Variants in UBE2V1 observed in about 807,000 individuals in gnomAD.
The protein encoded by UBE2V1 is ubiquitin conjugating enzyme E2 V1.
In UBE2V1, 15 loss-of-function variants were observed where a neutral mutation model predicts 19.6. The ratio of observed to expected loss-of-function variants is 0.77; its 90% confidence interval spans 0.51 to 1.18. The LOEUF is 1.18. Ranked by LOEUF, UBE2V1 falls within the 50% of genes most tolerant of loss-of-function variation. UBE2V1 has a pLI of 0.00. For missense variants in UBE2V1, 125 were observed against 184.8 expected (o/e 0.68, Z 1.88); for synonymous variants, 60 against 60.7 (o/e 0.99, Z 0.05).
At chr20:50,106,296 A>G (rs183296162) in intron 1 of UBE2V1, among the ~76,000 whole-genome samples, 1 of 152,366 alleles carries the variant, frequency 6.6e-6, no homozygotes, top group Admixed American at 6.5e-5. Context: ...CAGTTGCAGG[A>G]TATTACAAAG....
chr20:50,112,753 G>A (rs2080844010), intron 1 of UBE2V1, among the ~76,000 whole-genome samples: 3 of 152,168 alleles, frequency 2.0e-5, no homozygotes, highest in Non-Finnish European at 4.4e-5. Flanking sequence ...GCCTCCTCTA[G>A]GGGACCTCTA....
chr20:50,111,266 A>G, intron 1 of UBE2V1: 1 of 986,266 alleles, frequency 1.0e-6, no homozygotes, highest in Non-Finnish European at 1.2e-6. Context: ...TCTGATCACC[A>G]TAGCCATTTA....
rs534050160 is a variant in UBE2V1, at chr20:50,099,348, A to AC, written c.23-2529dup. 9.8e-5 allele frequency among the ~76,000 whole-genome samples: 15 copies of AC among 152,286 alleles called. No individual in the cohort carries two copies. In the East Asian group the frequency reaches 2.3e-3, roughly 23 times the overall value. Reference sequence around the variant, plus strand: ...GTGAGAAATTTGTTGTTTAAGCCCCACCCAGTCTATGGTATTTTGTTATGA... The same window carrying AC: ...GTGAGAAATTTGTTGTTTAAGCCCCACCCCAGTCTATGGTATTTTGTTATGA... On this transcript the variant is annotated intron_variant, in intron 1 of 3. Transcript: ENST00000371674.
intron 1 of UBE2V1, among the ~76,000 whole-genome samples, chr20:50,105,321 T>C (rs1250593901): frequency 6.6e-6 from 1 of 152,200 alleles, no homozygotes; most frequent in East Asian, 1.9e-4. Context: ...AGTCCAAATA[T>C]GGTTGGAATT....
rs1568988971 is a variant in UBE2V1, at chr20:50,094,251, A to ATATATAATGCATTATATAT, written c.171+2420_171+2421insATATATAATGCATTATATA. ...TATATAATATATAATGCATTATATA[A>ATATATAATGCATTATATAT]TATATAATGCATTATATAATATATA... On this transcript the variant is annotated intron_variant, in intron 2 of 3. Transcript: ENST00000371674. Among the ~76,000 whole-genome samples, 57 of 128,876 alleles carry ATATATAATGCATTATATAT rather than the reference A, an allele frequency of 4.4e-4. 2 individuals carry two copies. In the East Asian group the frequency reaches 7.9e-3, roughly 18 times the overall value. The allele number at this position is 128,876 out of a possible 152,430, so 84.5% of individuals were successfully genotyped here.
At chr20:50,112,958 C>A in intron 1 of UBE2V1, 149 bp downstream of exon 1, 2 of 386,780 alleles carry the variant, frequency 5.2e-6, no homozygotes, top group Non-Finnish European at 9.0e-6. Context: ...CCTCCTCCCC[C>A]GGTCAGGCCG....
chr20:50,099,068 C>T (rs2079819329), intron 1 of UBE2V1: 2 of 753,092 alleles, frequency 2.7e-6, no homozygotes, highest in Non-Finnish European at 3.2e-6. Context: ...TTTAATAATC[C>T]TAATTAGGCT....
intron 1 of UBE2V1, chr20:50,111,540 G>T: frequency 1.0e-6 from 1 of 1,000,322 alleles, no homozygotes; most frequent in Middle Eastern, 5.2e-4. Flanking sequence ...CATGGTAAAT[G>T]AATTGACTCA....
In UBE2V1 at chr20:50,106,885, A is replaced by C. The variant is rs565670810; in HGVS notation, c.22+6222T>G. ...AACAACAACAACAACAAAAAAAAAA[A>C]AACAAAAAAAAGGTAGAACCTCAGA... On this transcript the variant is annotated intron_variant, in intron 1 of 3. Coordinates refer to ENST00000371674, the MANE Select transcript of UBE2V1 (RefSeq NM_001032288.3). Among the ~76,000 whole-genome samples the C allele has an allele frequency of 7.5e-4, 113 of 150,814 alleles. 1 individual carries two copies. Among genetic ancestry groups the C allele is most frequent in the African/African-American group, 1.8e-3 (73 of 40,322 alleles).
In UBE2V1 at chr20:50,083,435, G is replaced by C. The variant is rs1410046932; in HGVS notation, c.298-521C>G. 2.6e-5 allele frequency among the ~76,000 whole-genome samples: 4 copies of C among 152,220 alleles called. No individual in the cohort carries two copies. The South Asian group carries it at 6.2e-4, about 24-fold the overall frequency. On this transcript the variant is annotated intron_variant, in intron 3 of 3. Transcript: ENST00000371674. ...AGCTCTGGGCTCAGGACTTTAGGTG[G>C]AACTCAGATTCAGGATTAAACACTA... is the stretch of plus-strand genomic sequence containing the variant.
chr20:50,090,671 C>G (rs1297955616), intron 2 of UBE2V1, among the ~76,000 whole-genome samples: 1 of 152,112 alleles, frequency 6.6e-6, no homozygotes, highest in Non-Finnish European at 1.5e-5. Flanking sequence ...AGGGGAGATA[C>G]TGGTCAAAGG....
At chr20:50,084,530 T>C in intron 2 of UBE2V1, 1 of 549,360 alleles carries the variant, frequency 1.8e-6, no homozygotes, top group Non-Finnish European at 3.5e-6. Context: ...CCTGTTTTTA[T>C]GTTAATTTCT....
intron 1 of UBE2V1, among the ~76,000 whole-genome samples, chr20:50,107,018 A>G (rs2147182646): frequency 6.6e-6 from 1 of 152,330 alleles, no homozygotes; most frequent in East Asian, 1.9e-4. Flanking sequence ...TCAGAAAATG[A>G]GGAGGTATGG....
At chr20:50,111,996 A>C (rs957784064) in intron 1 of UBE2V1, among the ~76,000 whole-genome samples, 2 of 152,148 alleles carry the variant, frequency 1.3e-5, no homozygotes, top group African/African-American at 4.8e-5. Context: ...GCCTCACCCA[A>C]GAGTTCCCAT....
At chr20:50,096,572 C>A in intron 2 of UBE2V1, 100 bp downstream of exon 2, 1 of 1,605,454 alleles carries the variant, frequency 6.2e-7, no homozygotes, top group East Asian at 2.2e-5. Context: ...AGAAAATATA[C>A]CATTGGTGAG....
intron 1 of UBE2V1, among the ~76,000 whole-genome samples, chr20:50,106,871 CAACA>C (rs1437208989): frequency 3.5e-5 from 3 of 84,776 alleles, no homozygotes; most frequent in African/African-American, 1.8e-4. Context: ...ACAACAACAA[CAACA>C]AAAAAAAAAA....
At chr20:50,109,262 G>A (rs910387527) in intron 1 of UBE2V1, among the ~76,000 whole-genome samples, 48 of 152,158 alleles carry the variant, frequency 3.2e-4, no homozygotes, top group Admixed American at 3.3e-4. Context: ...TCAAAATTAA[G>A]CAGAGGATTC....
chr20:50,091,029 A>G (rs533907986), intron 2 of UBE2V1, among the ~76,000 whole-genome samples: 1 of 152,206 alleles, frequency 6.6e-6, no homozygotes, highest in Non-Finnish European at 1.5e-5. Context: ...CTCTTATTCT[A>G]TATACTCTGT....
intron 2 of UBE2V1, among the ~76,000 whole-genome samples, chr20:50,088,311 A>G (rs2079038156): frequency 6.6e-6 from 1 of 152,136 alleles, no homozygotes; most frequent in Admixed American, 6.5e-5. Flanking sequence ...AAAACTAAGA[A>G]CACCTGAATA....
Sources: gnomAD v4.1 joint callset for allele counts (sites outside exome capture counted in the v4.1 genomes callset) on GRCh38, gnomAD v4.1.1 for gene constraint, MANE v1.5 for transcripts, NCBI Gene and HGNC (gene_info 2026-07-23, HGNC 2026-07-21) for gene names.